FBXW4: variants seen among roughly 807,000 people sequenced by gnomAD.
FBXW4 encodes F-box/WD repeat-containing protein 4.
Under a neutral mutation model 61.8 loss-of-function variants are expected in FBXW4, and 40 were observed. That is an observed-to-expected ratio of 0.65 (90% CI 0.50 to 0.84). The LOEUF (loss-of-function observed/expected upper bound fraction) is 0.84. Among genes scored for constraint, FBXW4 ranks in the 40% least tolerant of loss-of-function variants. FBXW4 has a pLI of 0.00. For synonymous variants in FBXW4, 311 were observed against 313.8 expected, an observed-to-expected ratio of 0.99 and a Z score of 0.10; for missense variants, 672 against 753.8, an observed-to-expected ratio of 0.89 and a Z score of 1.27.
rs184155184 is a variant in FBXW4 at position 101,673,066 on chromosome 10, G to T, written c.1008-19C>A. Reference sequence around the variant, plus strand: ...CCCATCCCTAGGAGAGAAATAAGGAGCCGACCCCCAAGAACCAATTATTCT... The same window carrying T: ...CCCATCCCTAGGAGAGAAATAAGGATCCGACCCCCAAGAACCAATTATTCT... On this transcript the variant is annotated intron_variant, in intron 3 of 8. Coordinates refer to ENST00000331272, the MANE Select transcript of FBXW4 (RefSeq NM_022039.4). 8 of 1,610,132 alleles carry T rather than the reference G, an allele frequency of 5.0e-6. No homozygotes were observed. In the Admixed American group the frequency reaches 1.4e-4, roughly 27 times the overall value.
At chr10:101,673,443 A>C (rs746357841) in intron 3 of FBXW4, 45 bp downstream of exon 3, 57 of 1,602,668 alleles carry the variant, frequency 3.6e-5, no homozygotes, top group Admixed American at 1.7e-5. Context: ...ATGTCCCCGA[A>C]GTATAAGATG....
At chr10:101,612,595 C>A in intron 6 of FBXW4, 118 bp from the exon 7 acceptor site, 1 of 1,188,120 alleles carries the variant, frequency 8.4e-7, no homozygotes, top group Non-Finnish European at 1.1e-6. Context: ...GAATGAGACT[C>A]AAGGAAGGGG....
At chr10:101,680,526 TC>T (rs1247960605) in intron 1 of FBXW4, among the ~76,000 whole-genome samples, 5 of 152,290 alleles carry the variant, frequency 3.3e-5, no homozygotes, top group African/African-American at 1.2e-4. Context: ...TACCATATCA[TC>T]CATGTCCAAC....
rs1308646976 is a variant in FBXW4, at chr10:101,694,252, A to G, written c.725+129T>C. On this transcript the variant is annotated intron_variant, in intron 1 of 8. Transcript: ENST00000331272. This position sits in a 1 kb window ranked among gnomAD's most constrained non-coding sequence, Gnocchi z 6.0. ...AGTGCTCGGGAAAGGGTGTAGGCGG[A>G]GGTCAGGTGTAGGCCTAGAAACTCG... 4 of 843,474 alleles carry G rather than the reference A, an allele frequency of 4.7e-6. No individual in the cohort carries two copies. The highest frequency in any genetic ancestry group is 3.6e-5 in the African/African-American group (2 of 55,794). The allele number at this position is 843,474 out of a possible 1,614,324, so 52.2% of individuals were successfully genotyped here.
intron 5 of FBXW4, among the ~76,000 whole-genome samples, chr10:101,644,950 G>A (rs2064083237): frequency 6.6e-6 from 1 of 152,198 alleles, no homozygotes; most frequent in South Asian, 2.1e-4. Context: ...GCCATGGGCT[G>A]TAGGAGCAGT....
At chr10:101,679,190 T>C (rs1226995107) in intron 1 of FBXW4, among the ~76,000 whole-genome samples, 1 of 152,156 alleles carries the variant, frequency 6.6e-6, no homozygotes, top group Non-Finnish European at 1.5e-5. Context: ...CCTCAAGCAA[T>C]CCTCCTGCAT....
intron 5 of FBXW4, chr10:101,627,854 T>G: frequency 6.6e-4 from 403 of 613,222 alleles, no homozygotes; most frequent in Middle Eastern, 2.5e-3. Context: ...ACTCCTCCCT[T>G]GAGACTCACG....
chr10:101,645,202 C>A lies in FBXW4; in HGVS notation c.1236-20392G>T, dbSNP rs1589756690. On this transcript the variant is annotated intron_variant, in intron 5 of 8. Transcript: ENST00000331272. ...AGAAAAGGGTGGCTAGTCTCAATACCCACAGTTCAGATGTGAAGCCAGACC... is the reference window on the plus strand; with the variant it reads ...AGAAAAGGGTGGCTAGTCTCAATACACACAGTTCAGATGTGAAGCCAGACC... 2.0e-5 allele frequency among the ~76,000 whole-genome samples: 3 copies of A among 152,158 alleles called. No individual in the cohort carries two copies. In the East Asian group the frequency reaches 5.8e-4, roughly 29 times the overall value.
At chr10:101,639,066 C>T (rs909060086) in intron 5 of FBXW4, among the ~76,000 whole-genome samples, 4 of 152,198 alleles carry the variant, frequency 2.6e-5, no homozygotes, top group Non-Finnish European at 5.9e-5. Flanking sequence ...CAGCAGCAAG[C>T]CCTGGTGCAC....
At chr10:101,629,437 C>A (rs2063933705) in intron 5 of FBXW4, among the ~76,000 whole-genome samples, 2 of 152,088 alleles carry the variant, frequency 1.3e-5, no homozygotes, top group Non-Finnish European at 2.9e-5. Context: ...GTGCGCACCA[C>A]CACGCCTGGC....
intron 5 of FBXW4, among the ~76,000 whole-genome samples, chr10:101,637,699 CAAAAAAAAAAAAAA>C (rs34463792): frequency 3.3e-4 from 27 of 82,054 alleles, no homozygotes; most frequent in Non-Finnish European, 5.3e-4. Flanking sequence ...GATCCTGTCT[CAAAAAAAAAAAAAA>C]AAAAAAAAAG....
In FBXW4 at chr10:101,673,572, C is replaced by T. The variant is rs771654851; in HGVS notation, c.923G>A (p.Arg308His). The change falls in exon 3 of 9, where the codon CGT (arginine) becomes CAT (histidine). Residue 308 changes from arginine to histidine, a missense_variant. Physicochemically the swap from Arg to His is conservative, Grantham distance 29 (BLOSUM62 0). This residue lies in a region of FBXW4 where 312 missense variants were observed against 370.1 expected (regional missense o/e 0.84). Coordinates refer to ENST00000331272, the MANE Select transcript of FBXW4 (RefSeq NM_022039.4). ...QFRPDGASLN[R>H]RPLGVFAGHD... Reference sequence around the variant, plus strand: ...CCCAGCAAAGACTCCCAGAGGCCGACGATTCAAGCTGGCACCATCTGGACG... The same window carrying T: ...CCCAGCAAAGACTCCCAGAGGCCGATGATTCAAGCTGGCACCATCTGGACG... 57 of 1,613,804 alleles carry T rather than the reference C, an allele frequency of 3.5e-5. No individual in the cohort carries two copies. In the East Asian group the frequency reaches 1.1e-3, roughly 30 times the overall value.
At position 101,624,792 on chromosome 10, in the gene FBXW4, C is replaced by T. The variant is rs142870264; in HGVS notation, c.1254G>A (p.Thr418=). The T allele has an allele frequency of 4.7e-5, 76 of 1,614,102 alleles. No homozygotes were observed. In the East Asian group the frequency reaches 6.5e-4, roughly 14 times the overall value. Residue 418 remains threonine, a synonymous_variant, in exon 6 of 9, where the codon ACG becomes ACA. Coordinates refer to ENST00000331272, the MANE Select transcript of FBXW4 (RefSeq NM_022039.4). ...GGGGTGAGAAGTGCCCGCAACAAGC[C>T]GTCCCTGTCACAAAAGAGCTGCCAA... ...SPLLSSFVTG[T]ACCGHFSPLR... is the part of the protein sequence containing the mutation.
At chr10:101,657,623 C>T (rs2064199505) in intron 5 of FBXW4, among the ~76,000 whole-genome samples, 1 of 111,648 alleles carries the variant, frequency 9.0e-6, no homozygotes, top group African/African-American at 3.6e-5. Context: ...CTGGGCAACA[C>T]AGCGAGACTC....
At chr10:101,669,371 T>C (rs2064336969) in intron 4 of FBXW4, among the ~76,000 whole-genome samples, 1 of 152,162 alleles carries the variant, frequency 6.6e-6, no homozygotes. Flanking sequence ...GCCTTTTCCC[T>C]GACACAAACT....
At chr10:101,695,284 G>C (rs1010954521), upstream of FBXW4, 33 of 784,004 alleles carry the variant, frequency 4.2e-5, no homozygotes, top group African/African-American at 6.2e-4. The surrounding 1 kb of genome is among the most constrained non-coding windows in gnomAD (Gnocchi z 4.2). Context: ...GGGCCGGGGC[G>C]CTGACACCAC....
intron 5 of FBXW4, among the ~76,000 whole-genome samples, chr10:101,644,574 C>G (rs2064080566): frequency 6.6e-6 from 1 of 152,172 alleles, no homozygotes; most frequent in Non-Finnish European, 1.5e-5. Flanking sequence ...CTGCTCTGCT[C>G]TCTCCAGAGG....
chr10:101,658,152 G>A (rs914386755), intron 5 of FBXW4, among the ~76,000 whole-genome samples: 1 of 152,178 alleles, frequency 6.6e-6, no homozygotes, highest in African/African-American at 2.4e-5. Flanking sequence ...CCTGAACTCA[G>A]AGAAGAAATA....
intron 1 of FBXW4, among the ~76,000 whole-genome samples, chr10:101,681,659 GTGAGC>G (rs2064477785): frequency 1.3e-5 from 2 of 149,396 alleles, no homozygotes; most frequent in South Asian, 4.2e-4. Flanking sequence ...AGCGCTTGCA[GTGAGC>G]TGAGATCGCG....
Sources: gnomAD v4.1 joint callset for allele counts (sites outside exome capture counted in the v4.1 genomes callset) on GRCh38, gnomAD v4.1.1 for gene constraint, gnomAD v4.1.1 regional missense constraint, Gnocchi (gnomAD v3.1) non-coding constraint, MANE v1.5 for transcripts, NCBI Gene and HGNC (gene_info 2026-07-23, HGNC 2026-07-21) for gene names.